The following COMT variants were observed in gnomAD, a reference collection of about 807,000 sequenced individuals.
COMT encodes catechol-O-methyltransferase.
In COMT, 13 loss-of-function variants were observed where a neutral mutation model predicts 18.9. That is an observed-to-expected ratio of 0.69 (90% CI 0.45 to 1.09). The LOEUF is 1.09. COMT is among the 50% of genes least tolerant of loss of function. The pLI is 0.00. For synonymous variants in COMT, 150 were observed against 160.9 expected (o/e 0.93, Z 0.51); for missense variants, 329 against 361.8 (o/e 0.91, Z 0.73).
intron 1 of COMT, among the ~76,000 whole-genome samples, chr22:19,954,499 C>T (rs1942018261): frequency 6.6e-6 from 1 of 152,154 alleles, no homozygotes; most frequent in South Asian, 2.1e-4. Context: ...GTTGCCCAGG[C>T]TGGAGTGTAA....
At position 19,968,857 on chromosome 22, in the gene COMT, C is replaced by A; in HGVS notation, c.*121C>A. 2 of 904,318 alleles carry A rather than the reference C, an allele frequency of 2.2e-6. No homozygotes were observed. The highest frequency in any genetic ancestry group is 2.6e-5 in the East Asian group (1 of 37,814). The allele number at this position is 904,318 out of a possible 1,614,324, so 56.0% of individuals were successfully genotyped here. A position where few individuals can be genotyped will look rare whatever the true frequency, so the allele number is the denominator to read the frequency against. On this transcript the variant is annotated 3_prime_UTR_variant, in exon 6 of 6. Transcript: ENST00000361682. ...TCCTAAATGCAAAGCACACCTCGGC[C>A]GAGGCCTGCGCCCTGACATGCTAAC...
chr22:19,969,874 C>G lies in COMT; in HGVS notation c.*1138C>G, dbSNP rs1942647902. The G allele has an allele frequency of 2.0e-6, 2 of 985,448 alleles. No homozygotes were observed. The highest frequency in any genetic ancestry group is 2.4e-6 in the Non-Finnish European group (2 of 829,930). 61.0% of individuals were successfully genotyped at this position (985,448 alleles called of 1,614,324 possible). A position where few individuals can be genotyped will look rare whatever the true frequency, so the allele number is the denominator to read the frequency against. Reference sequence around the variant, plus strand: ...GAGAAGCCAGCCACTTGTGCCAGACCTGAGTGGCAGAAAGCAAAAAGTTCC... The same window carrying G: ...GAGAAGCCAGCCACTTGTGCCAGACGTGAGTGGCAGAAAGCAAAAAGTTCC... On this transcript the variant is annotated 3_prime_UTR_variant, in exon 6 of 6. Transcript: ENST00000361682.
At position 19,955,497 on chromosome 22, in the gene COMT, G is replaced by A. The variant is rs9332349; in HGVS notation, c.-91-5702G>A. 2.2e-3 allele frequency among the ~76,000 whole-genome samples: 330 copies of A among 152,386 alleles called. 1 individual carries two copies. The highest frequency in any genetic ancestry group is 2.8e-3 in the Non-Finnish European group (193 of 68,034). On this transcript the variant is annotated intron_variant, in intron 1 of 5. Coordinates refer to ENST00000361682, the MANE Select transcript of COMT (RefSeq NM_000754.4). ...CCAAAGGGCAGGGCTTCTTGCAGCA[G>A]TTCCAGCCTTTGCTGGGGGTTTCCA...
At chr22:19,943,349 A>T (rs1010825476) in intron 1 of COMT, among the ~76,000 whole-genome samples, 1 of 152,228 alleles carries the variant, frequency 6.6e-6, no homozygotes, top group Non-Finnish European at 1.5e-5. Flanking sequence ...GCATTTAATG[A>T]GGAAACAAAA....
intron 5 of COMT, among the ~76,000 whole-genome samples, chr22:19,966,747 TTTG>T (rs1024055763): frequency 8.0e-5 from 12 of 149,688 alleles, no homozygotes; most frequent in Non-Finnish European, 4.4e-5. Context: ...GCTCCAACTT[TTTG>T]TTGTTGTTTC....
Position 19,968,838 on chromosome 22 carries a change from A to T in COMT, c.*102A>T, listed in dbSNP as rs181896876. 4.7e-5 allele frequency: 53 copies of T among 1,126,428 alleles called. No homozygotes were observed. In the African/African-American group the frequency reaches 6.4e-4, roughly 14 times the overall value. The allele number at this position is 1,126,428 out of a possible 1,614,324, so 69.8% of individuals were successfully genotyped here. On this transcript the variant is annotated 3_prime_UTR_variant, in exon 6 of 6. Coordinates refer to ENST00000361682, the MANE Select transcript of COMT (RefSeq NM_000754.4). ...TCTGCGGCTCCGGGCTGTGTCCTAA[A>T]TGCAAAGCACACCTCGGCCGAGGCC... is the stretch of plus-strand genomic sequence containing the variant.
At position 19,969,965 on chromosome 22, in the gene COMT, C is replaced by T; in HGVS notation, c.*1229C>T. On this transcript the variant is annotated 3_prime_UTR_variant, in exon 6 of 6. Transcript: ENST00000361682. ...GTGTTTACCAATAGTCTTATTTTGG[C>T]TTATTTTTAATGCTTTTTCTCAGTG... 1 of 985,626 alleles carries T rather than the reference C, an allele frequency of 1.0e-6. No individual in the cohort carries two copies. Among genetic ancestry groups the T allele is most frequent in the Non-Finnish European group, 1.2e-6 (1 of 829,932 alleles). The allele number at this position is 985,626 out of a possible 1,614,324, so 61.1% of individuals were successfully genotyped here.
At chr22:19,945,466 C>T (rs1036983330) in intron 1 of COMT, among the ~76,000 whole-genome samples, 11 of 152,110 alleles carry the variant, frequency 7.2e-5, no homozygotes, top group Admixed American at 5.2e-4. Context: ...CAATTGTGTC[C>T]TGTTACAAGG....
intron 1 of COMT, among the ~76,000 whole-genome samples, chr22:19,947,898 C>G (rs1427522348): frequency 6.6e-6 from 1 of 152,164 alleles, no homozygotes; most frequent in Non-Finnish European, 1.5e-5. Flanking sequence ...AGGCGTCTTC[C>G]CAGGCGCTGA....
chr22:19,957,186 G>A (rs931699547), intron 1 of COMT, among the ~76,000 whole-genome samples: 5 of 152,080 alleles, frequency 3.3e-5, no homozygotes, highest in South Asian at 2.1e-4. Context: ...TCCTGACCTC[G>A]TGATCTGCCC....
In COMT at chr22:19,963,755, A is replaced by G; in HGVS notation, c.479A>G (p.Asp160Gly). The change falls in exon 4 of 6, where the codon GAC (aspartate) becomes GGC (glycine). Residue 160 changes from aspartate to glycine, a missense_variant. By Grantham distance (94) the Asp-to-Gly change is moderately conservative (BLOSUM62 -1). Transcript: ENST00000361682. ...QRMVDFAGVK[D>G]KVTLVVGASQ... ...ATGGTGGATTTCGCTGGCGTGAAGG[A>G]CAAGGTGTGCATGCCTGACCCGTTG... The G allele has an allele frequency of 1.9e-6, 3 of 1,610,664 alleles. No homozygotes were observed. The highest frequency in any genetic ancestry group is 1.7e-6 in the Non-Finnish European group (2 of 1,179,852).
rs1341905822 is a variant in COMT at position 19,968,556 on chromosome 22, G to A, written c.636G>A (p.Lys212=). Residue 212 remains lysine, a synonymous_variant, in exon 6 of 6, where the codon AAG becomes AAA. Transcript: ENST00000361682. ...TGCAGGAATGTGGCCTGCTGCGGAA[G>A]GGGACAGTGCTACTGGCTGACAACG... The part of the protein sequence containing the change: ...LLLEECGLLR[K]GTVLLADNVI... 1.2e-6 allele frequency: 2 copies of A among 1,614,068 alleles called. No individual in the cohort carries two copies. The highest frequency in any genetic ancestry group is 1.7e-6 in the Non-Finnish European group (2 of 1,180,002).
intron 1 of COMT, among the ~76,000 whole-genome samples, chr22:19,943,651 AAT>A (rs989922268): frequency 1.5e-4 from 22 of 149,488 alleles, no homozygotes; most frequent in Non-Finnish European, 2.4e-4. Flanking sequence ...AAAAAAAAAA[AAT>A]AATAATAAAA....
At chr22:19,968,377 T>G (rs1441215501) in intron 5 of COMT, among the ~76,000 whole-genome samples, 159 bp from the exon 6 acceptor site, 1 of 152,174 alleles carries the variant, frequency 6.6e-6, no homozygotes, top group Non-Finnish European at 1.5e-5. Context: ...TACAGTCCTT[T>G]CCTGCAGGAG....
At chr22:19,950,901 C>T (rs1170438675) in intron 1 of COMT, 9 of 152,162 alleles carry the variant, frequency 5.9e-5, no homozygotes, top group Non-Finnish European at 5.9e-5. Flanking sequence ...ATTAAAGTAG[C>T]GCAGAGGGCA....
chr22:19,960,441 C>G (rs1942168324), intron 1 of COMT, among the ~76,000 whole-genome samples: 2 of 152,232 alleles, frequency 1.3e-5, no homozygotes, highest in African/African-American at 4.8e-5. Context: ...TGCATGGTCC[C>G]TCTCCACCAT....
At chr22:19,944,082 A>G (rs1601504542) in intron 1 of COMT, among the ~76,000 whole-genome samples, 2 of 152,326 alleles carry the variant, frequency 1.3e-5, no homozygotes, top group African/African-American at 2.4e-5. Context: ...CTGAGTCCCA[A>G]TAGGGATTTG....
chr22:19,949,568 T>C (rs1941893311), intron 1 of COMT, among the ~76,000 whole-genome samples: 1 of 152,136 alleles, frequency 6.6e-6, no homozygotes, highest in Non-Finnish European at 1.5e-5. Context: ...TGTTTTCATA[T>C]ATTGATTATA....
chr22:19,959,800 C>A (rs1214187506), intron 1 of COMT, among the ~76,000 whole-genome samples: 1 of 23,574 alleles, frequency 4.2e-5, no homozygotes, highest in African/African-American at 6.7e-5. Context: ...ACTTCCCCAT[C>A]CCCCATGGCT....
Sources: gnomAD v4.1 joint callset for allele counts (sites outside exome capture counted in the v4.1 genomes callset) on GRCh38, gnomAD v4.1.1 for gene constraint, MANE v1.5 for transcripts, NCBI Gene and HGNC (gene_info 2026-07-23, HGNC 2026-07-21) for gene names.